The following PTBP2 variants were observed in gnomAD, a reference collection of about 807,000 sequenced individuals.
PTBP2 encodes polypyrimidine tract binding protein 2, also known as polypyrimidine tract-binding protein 2.
In PTBP2, 13 loss-of-function variants were observed where a neutral mutation model predicts 61.4. The observed-to-expected ratio is 0.21, with a 90% CI of 0.14 to 0.34. The LOEUF (loss-of-function observed/expected upper bound fraction) is 0.34. Among genes scored for constraint, PTBP2 ranks in the 10% least tolerant of loss-of-function variants. The pLI, the probability that PTBP2 is intolerant of heterozygous loss-of-function variation, is 1.00. For missense variants in PTBP2, 405 were observed against 642.6 expected, an observed-to-expected ratio of 0.63 and a Z score of 4.00; for synonymous variants, 215 against 218.5, an observed-to-expected ratio of 0.98 and a Z score of 0.14.
At chr1:96,748,418 C>A (rs548296119) in intron 2 of PTBP2, among the ~76,000 whole-genome samples, 1 of 149,778 alleles carries the variant, frequency 6.7e-6, no homozygotes, top group East Asian at 2.0e-4. Flanking sequence ...GGCCTTTAAT[C>A]TGTACTTGCT....
chr1:96,816,534 GTTTATA>G (rs1198085351), downstream of PTBP2: 2 of 152,080 alleles, frequency 1.3e-5, no homozygotes, highest in Non-Finnish European at 2.9e-5. Context: ...GATATCTACA[GTTTATA>G]TTTAACGTTA....
intron 3 of PTBP2, among the ~76,000 whole-genome samples, chr1:96,762,839 G>A (rs927727827): frequency 3.3e-5 from 5 of 150,916 alleles, no homozygotes; most frequent in South Asian, 4.2e-4. Flanking sequence ...GCTGCTGGGC[G>A]GAGGGACTCC....
chr1:96,792,842 C>A (rs1659996479), intron 8 of PTBP2, among the ~76,000 whole-genome samples: 1 of 151,918 alleles, frequency 6.6e-6, no homozygotes, highest in Admixed American at 6.6e-5. Context: ...TTTATTAAGA[C>A]TAATTATAGC....
At chr1:96,732,774 A>G (rs1651604130) in intron 2 of PTBP2, among the ~76,000 whole-genome samples, 1 of 152,148 alleles carries the variant, frequency 6.6e-6, no homozygotes, top group Non-Finnish European at 1.5e-5. Flanking sequence ...CGTTGAGAGA[A>G]GGACGTAACC....
intron 8 of PTBP2, among the ~76,000 whole-genome samples, chr1:96,795,287 C>T (rs373909692): frequency 8.5e-5 from 13 of 152,084 alleles, no homozygotes; most frequent in African/African-American, 2.2e-4. Context: ...AAGCTAGGAA[C>T]GTAAAATGAG....
At chr1:96,774,120 T>TAA (rs10691287) in intron 5 of PTBP2, among the ~76,000 whole-genome samples, 3,711 of 145,120 alleles carry the variant, frequency 0.026, 56 homozygotes, top group Non-Finnish European at 0.037. Flanking sequence ...CACAGTCTCT[T>TAA]AAAAAAAAAA....
At chr1:96,739,551 T>C (rs976558241) in intron 2 of PTBP2, among the ~76,000 whole-genome samples, 3 of 151,448 alleles carry the variant, frequency 2.0e-5, no homozygotes, top group African/African-American at 7.3e-5. Context: ...AATTATACAG[T>C]ATAGGTTAAG....
intron 2 of PTBP2, among the ~76,000 whole-genome samples, chr1:96,746,091 CAAAA>C (rs1653728740): frequency 6.6e-6 from 1 of 150,878 alleles, no homozygotes; most frequent in African/African-American, 2.4e-5. Flanking sequence ...AAAACAACAA[CAAAA>C]AAAGATTTTG....
chr1:96,746,836 TCTCC>T (rs1356182979), intron 2 of PTBP2, among the ~76,000 whole-genome samples: 1 of 104,180 alleles, frequency 9.6e-6, no homozygotes, highest in Non-Finnish European at 1.9e-5. Flanking sequence ...TGTCTGTCTG[TCTCC>T]CTCCCTCCCT....
At chr1:96,763,992 A>G (rs1021418285) in intron 3 of PTBP2, among the ~76,000 whole-genome samples, 1 of 152,226 alleles carries the variant, frequency 6.6e-6, no homozygotes, top group Non-Finnish European at 1.5e-5. Context: ...TGTTACAAGG[A>G]CACTTTTATG....
intron 8 of PTBP2, among the ~76,000 whole-genome samples, chr1:96,791,915 G>A (rs1419173387): frequency 1.4e-5 from 2 of 140,546 alleles, no homozygotes; most frequent in Non-Finnish European, 3.0e-5. Context: ...CTCACTGCAA[G>A]CTCCGCCTCC....
chr1:96,770,978 T>G (rs770620540), intron 5 of PTBP2, 127 bp downstream of exon 5: 1 of 758,110 alleles, frequency 1.3e-6, no homozygotes, highest in Non-Finnish European at 2.1e-6. Flanking sequence ...ATTTTTAAGG[T>G]ATTTTCATGC....
intron 3 of PTBP2, among the ~76,000 whole-genome samples, chr1:96,752,534 TATC>T (rs1231946389): frequency 1.3e-5 from 2 of 152,200 alleles, no homozygotes; most frequent in Middle Eastern, 6.8e-3. Flanking sequence ...AACAGGTCAT[TATC>T]ATTGATTTTG....
chr1:96,745,203 C>G, intron 2 of PTBP2, among the ~76,000 whole-genome samples: 1 of 151,546 alleles, frequency 6.6e-6, no homozygotes, highest in East Asian at 1.9e-4. Flanking sequence ...TGCTCTGATA[C>G]CCACGCTGGA....
chr1:96,737,555 A>G (rs1318049426), intron 2 of PTBP2, among the ~76,000 whole-genome samples: 1 of 152,200 alleles, frequency 6.6e-6, no homozygotes, highest in African/African-American at 2.4e-5. Flanking sequence ...AGAGCCTTTA[A>G]GGGCAAAATT....
chr1:96,782,720 CAG>C lies in PTBP2; in HGVS notation c.709-2338_709-2337del, dbSNP rs984384206. 5.9e-4 allele frequency among the ~76,000 whole-genome samples: 90 copies of C among 152,076 alleles called. 1 individual carries two copies. Among genetic ancestry groups the C allele is most frequent in the Middle Eastern group, 3.4e-3 (1 of 294 alleles). On this transcript the variant is annotated intron_variant, in intron 7 of 13. Transcript: ENST00000674951. Reference sequence around the variant, plus strand: ...AGAATTTGGAAGTTAAGGTTTCTCTCAGTGTGTGTTAAATCTGATCCCCAACA... The same window carrying C: ...AGAATTTGGAAGTTAAGGTTTCTCTCTGTGTGTTAAATCTGATCCCCAACA...
At chr1:96,778,588 GCT>G in intron 7 of PTBP2, among the ~76,000 whole-genome samples, 1 of 151,884 alleles carries the variant, frequency 6.6e-6, no homozygotes, top group Non-Finnish European at 1.5e-5. Context: ...ATCTACTTTT[GCT>G]CTGTCTCTTT....
In PTBP2 at chr1:96,777,587, T is replaced by C. The variant is rs1163649458; in HGVS notation, c.435T>C (p.Arg145=). 3 of 1,605,818 alleles carry C rather than the reference T, an allele frequency of 1.9e-6. No homozygotes were observed. The highest frequency in any genetic ancestry group is 2.2e-5 in the South Asian group (2 of 89,516). The change falls in exon 6 of 14, where the codon CGT becomes CGC. Residue 145 remains arginine (R), a splice_region_variant and synonymous_variant. Transcript: ENST00000674951. ...AACTACATAATCTTAATTTCCAGCG[T>C]GCTCAGGCAGTTCTTCAAGCTGTGA... is the stretch of plus-strand genomic sequence containing the variant. ...ELKTDNTLNQ[R]AQAVLQAVTA...
chr1:96,738,395 T>C (rs573738548), intron 2 of PTBP2, among the ~76,000 whole-genome samples: 4 of 152,182 alleles, frequency 2.6e-5, no homozygotes, highest in Non-Finnish European at 5.9e-5. Context: ...TGCCTCAGCC[T>C]CCCGAGTAGC....
Sources: allele counts gnomAD v4.1 joint callset (sites outside exome capture counted in the v4.1 genomes callset), GRCh38; gene constraint gnomAD v4.1.1; transcripts MANE v1.5; gene names NCBI Gene and HGNC (gene_info 2026-07-23, HGNC 2026-07-21).